RPRD2: variants seen among roughly 807,000 people sequenced by gnomAD.
RPRD2 encodes regulation of nuclear pre-mRNA domain-containing protein 2.
A neutral mutation model predicts 104.4 loss-of-function variants in RPRD2; 12 were observed. The observed-to-expected ratio is 0.11, with a 90% confidence interval of 0.07 to 0.19. The LOEUF is 0.19. RPRD2 is among the 10% of genes least tolerant of loss of function. The pLI, the probability that RPRD2 is intolerant of heterozygous loss-of-function variation, is 1.00. For synonymous variants in RPRD2, 714 were observed against 684.9 expected, an observed-to-expected ratio of 1.04 and a Z score of -0.66; for missense variants, 1,543 against 1,790.1, an observed-to-expected ratio of 0.86 and a Z score of 2.49.
chr1:150,417,835 A>T (rs1347549592), intron 2 of RPRD2, 110 bp downstream of exon 2: 1 of 746,648 alleles, frequency 1.3e-6, no homozygotes, highest in Non-Finnish European at 1.9e-6. Flanking sequence ...GATTAAGGAT[A>T]ATTTGCCTAA....
At position 150,446,321 on chromosome 1, in the gene RPRD2, G is replaced by C; in HGVS notation, c.790G>C (p.Gly264Arg). Residue 264 changes from glycine (G) to arginine (R), a missense_variant, in exon 7 of 11, where the codon GGA becomes CGA. Physicochemically the swap from Gly to Arg is moderately radical, Grantham distance 125. Transcript: ENST00000369068. ...VNGLDKQVKN[G>R]PSLTEALENA... ...TGGATTAGATAAGCAGGTGAAAAAC[G>C]GACCCTCATTAACAGAAGCACTGGA... The C allele has an allele frequency of 6.2e-7, 1 of 1,612,570 alleles. No homozygotes were observed. The highest frequency in any genetic ancestry group is 8.5e-7 in the Non-Finnish European group (1 of 1,179,610).
intron 10 of RPRD2, among the ~76,000 whole-genome samples, chr1:150,467,085 C>T (rs1668329245): frequency 6.6e-6 from 1 of 152,134 alleles, no homozygotes; most frequent in Non-Finnish European, 1.5e-5. Flanking sequence ...CCCAAAGTGT[C>T]AGTAGTGCTG....
At chr1:150,453,403 T>C (rs1288657874) in intron 7 of RPRD2, among the ~76,000 whole-genome samples, 2 of 152,100 alleles carry the variant, frequency 1.3e-5, no homozygotes, top group Non-Finnish European at 2.9e-5. Flanking sequence ...CTTTATGGGT[T>C]TTCTTTTTAT....
chr1:150,473,053 C>T lies in RPRD2; in HGVS notation c.4105C>T (p.Leu1369Phe). Residue 1369 changes from leucine to phenylalanine, a missense_variant, in exon 11 of 11, where the codon CTC becomes TTC. Physicochemically the swap from Leu to Phe is conservative, Grantham distance 22 (BLOSUM62 0). This residue lies in a region of RPRD2 where 880 missense variants were observed against 885.6 expected (regional missense o/e 0.99). Coordinates refer to ENST00000369068, the MANE Select transcript of RPRD2 (RefSeq NM_015203.5). ...TGGCCTTAGCCGTGTACGAGAGAGC[C>T]TCACCCTACCCTCCCATTCTCTGGA... ...GPGLSRVRES[L>F]TLPSHSLEHL... 6.2e-7 allele frequency: 1 copy of T among 1,614,050 alleles called. No individual in the cohort carries two copies. The highest frequency in any genetic ancestry group is 8.5e-7 in the Non-Finnish European group (1 of 1,179,906).
intron 1 of RPRD2, among the ~76,000 whole-genome samples, chr1:150,406,238 G>A (rs782167805): frequency 6.6e-5 from 10 of 152,272 alleles, no homozygotes; most frequent in African/African-American, 1.7e-4. Context: ...ATGTGTTTCC[G>A]TTGACAGCAG....
chr1:150,392,482 G>T (rs74922169), intron 1 of RPRD2, among the ~76,000 whole-genome samples: 18,261 of 152,162 alleles, frequency 0.12, 1,555 homozygotes, highest in African/African-American at 0.23. Context: ...TACAGCCTAG[G>T]TGACACAGTG....
chr1:150,392,851 CAAAG>C (rs1448524150), intron 1 of RPRD2, among the ~76,000 whole-genome samples: 62 of 151,020 alleles, frequency 4.1e-4, no homozygotes, highest in Admixed American at 1.1e-3. Context: ...AGAAAAAAAA[CAAAG>C]AAAAGAAAAC....
At chr1:150,467,983 C>T (rs1192687890) in intron 10 of RPRD2, among the ~76,000 whole-genome samples, 1 of 151,246 alleles carries the variant, frequency 6.6e-6, no homozygotes, top group Non-Finnish European at 1.5e-5. Context: ...ACAGGGTAAA[C>T]CTGTCTTTCC....
intron 9 of RPRD2, 138 bp from the exon 10 acceptor site, chr1:150,464,381 TACATGTCA>T: frequency 2.4e-5 from 12 of 509,078 alleles, no homozygotes; most frequent in East Asian, 6.2e-5. Flanking sequence ...TTTTTTTTTG[TACATGTCA>T]TGTTATGATG....
In RPRD2 at chr1:150,471,902, C is replaced by G; in HGVS notation, c.2954C>G (p.Thr985Arg). ...CCGCAGAACACCCTTGCCGCTCCCACGGGTCACCCACCCACGTCAGGCGTG... is the reference window on the plus strand; with the variant it reads ...CCGCAGAACACCCTTGCCGCTCCCAGGGGTCACCCACCCACGTCAGGCGTG... ...FSPQNTLAAP[T>R]GHPPTSGVEK... The change falls in exon 11 of 11, where the codon ACG becomes AGG. Residue 985 changes from threonine (T) to arginine (R), a missense_variant. Thr to Arg is a moderately conservative substitution (Grantham distance 71, BLOSUM62 -1). Around this residue, in one of 4 missense-constraint regions of RPRD2, gnomAD observed 880 missense variants for 885.6 expected, o/e 0.99. Coordinates refer to ENST00000369068, the MANE Select transcript of RPRD2 (RefSeq NM_015203.5). This position sits in a 1 kb window ranked among gnomAD's most constrained non-coding sequence, Gnocchi z 5.3. 6.2e-7 allele frequency: 1 copy of G among 1,613,986 alleles called. No individual in the cohort carries two copies. Among genetic ancestry groups the G allele is most frequent in the Non-Finnish European group, 8.5e-7 (1 of 1,179,884 alleles).
intron 10 of RPRD2, among the ~76,000 whole-genome samples, chr1:150,468,053 T>C (rs1009071701): frequency 8.6e-5 from 13 of 152,028 alleles, no homozygotes; most frequent in South Asian, 2.1e-4. Flanking sequence ...CCCCAACTAC[T>C]TGGGAGGCTG....
intron 1 of RPRD2, among the ~76,000 whole-genome samples, chr1:150,408,023 C>T (rs1663613288): frequency 6.6e-6 from 1 of 152,020 alleles, no homozygotes; most frequent in South Asian, 2.1e-4. Context: ...ATCCTTACAT[C>T]TTGACCTCCC....
At chr1:150,380,634 A>G (rs1572356872) in intron 1 of RPRD2, among the ~76,000 whole-genome samples, 1 of 151,740 alleles carries the variant, frequency 6.6e-6, no homozygotes, top group Admixed American at 6.6e-5. Flanking sequence ...GGCGTGAGCC[A>G]CCACACCCGG....
intron 1 of RPRD2, among the ~76,000 whole-genome samples, chr1:150,379,018 C>G (rs1031794156): frequency 7.2e-6 from 1 of 139,378 alleles, no homozygotes. Flanking sequence ...TGAATTGGCT[C>G]ATGCCTGTAA....
At chr1:150,385,861 C>A (rs1158437371) in intron 1 of RPRD2, among the ~76,000 whole-genome samples, 1 of 152,192 alleles carries the variant, frequency 6.6e-6, no homozygotes. Context: ...AAGGAGAAAT[C>A]CTTTGTTATA....
At chr1:150,394,849 G>A (rs1553883837) in intron 1 of RPRD2, among the ~76,000 whole-genome samples, 1 of 152,120 alleles carries the variant, frequency 6.6e-6, no homozygotes, top group Admixed American at 6.5e-5. Flanking sequence ...CCAAAGTGTT[G>A]GGATTACAGG....
intron 1 of RPRD2, among the ~76,000 whole-genome samples, chr1:150,388,087 T>C (rs1553882297): frequency 6.6e-6 from 1 of 151,674 alleles, no homozygotes; most frequent in Non-Finnish European, 1.5e-5. Context: ...CAGCTAATTT[T>C]TGTATTTTTT....
chr1:150,381,439 A>C (rs1222847075), intron 1 of RPRD2, among the ~76,000 whole-genome samples: 1 of 152,126 alleles, frequency 6.6e-6, no homozygotes, highest in African/African-American at 2.4e-5. Context: ...AAAAGTGCTT[A>C]ATCAATGAAT....
intron 1 of RPRD2, among the ~76,000 whole-genome samples, chr1:150,401,070 G>A (rs1662957782): frequency 6.6e-6 from 1 of 152,100 alleles, no homozygotes; most frequent in Non-Finnish European, 1.5e-5. Context: ...CAGCTACTCA[G>A]GAGGCTGAGG....
Sources: gnomAD v4.1 joint callset for allele counts (sites outside exome capture counted in the v4.1 genomes callset) on GRCh38, gnomAD v4.1.1 for gene constraint, gnomAD v4.1.1 regional missense constraint, Gnocchi (gnomAD v3.1) non-coding constraint, MANE v1.5 for transcripts, NCBI Gene and HGNC (gene_info 2026-07-23, HGNC 2026-07-21) for gene names.